DENND5A: variants seen among roughly 807,000 people sequenced by gnomAD.
DENND5A encodes DENN domain containing 5A.
DENND5A carries 64 observed loss-of-function variants against 140.3 expected under a neutral mutation model. The ratio of observed to expected loss-of-function variants is 0.46; its 90% CI spans 0.37 to 0.56. DENND5A has a LOEUF of 0.56. Among genes scored for constraint, DENND5A ranks in the 20% least tolerant of loss-of-function variants. The probability of loss-of-function intolerance (pLI) is 0.00; values close to 1 mark genes in which losing one functional copy is unlikely to be tolerated. For synonymous variants in DENND5A, 605 were observed against 607.7 expected (o/e 1.00, Z 0.07); for missense variants, 1,292 against 1,593.8 (o/e 0.81, Z 3.22).
At chr11:9,178,766 C>T (rs2136172759) in intron 7 of DENND5A, 92 bp downstream of exon 7, 1 of 1,069,278 alleles carries the variant, frequency 9.4e-7, no homozygotes, top group East Asian at 2.4e-5. Context: ...GATAATCTTC[C>T]ATTACTTCTT....
At chr11:9,214,939 G>C (rs1055231090) in intron 1 of DENND5A, among the ~76,000 whole-genome samples, 4 of 152,068 alleles carry the variant, frequency 2.6e-5, no homozygotes, top group South Asian at 4.1e-4. Flanking sequence ...AGCCAGACTG[G>C]TCTCGAACTC....
chr11:9,196,046 A>C (rs1849316457), intron 4 of DENND5A, among the ~76,000 whole-genome samples: 1 of 152,080 alleles, frequency 6.6e-6, no homozygotes, highest in Non-Finnish European at 1.5e-5. Context: ...TATGCTTCCC[A>C]GGTTCAAGCG....
intron 16 of DENND5A, 133 bp downstream of exon 16, chr11:9,146,897 C>T: frequency 1.9e-6 from 2 of 1,067,790 alleles, no homozygotes; most frequent in Non-Finnish European, 2.7e-6. Context: ...ACCTCTCTCC[C>T]CACAGAGGCA....
intron 1 of DENND5A, among the ~76,000 whole-genome samples, chr11:9,252,489 A>T (rs942652884): frequency 1.3e-5 from 2 of 151,902 alleles, no homozygotes; most frequent in Non-Finnish European, 2.9e-5. Flanking sequence ...TTTACCAAAA[A>T]TACAAAAATT....
At chr11:9,188,618 A>G (rs1277653210) in intron 5 of DENND5A, among the ~76,000 whole-genome samples, 8 of 152,172 alleles carry the variant, frequency 5.3e-5, no homozygotes, top group Non-Finnish European at 5.9e-5. Context: ...TCAGATGGAG[A>G]TAAGGAACTT....
chr11:9,195,882 C>T (rs1849307013), intron 4 of DENND5A, among the ~76,000 whole-genome samples: 1 of 151,882 alleles, frequency 6.6e-6, no homozygotes, highest in Non-Finnish European at 1.5e-5. Flanking sequence ...TTTTAAGTGA[C>T]ATTGTCTCAA....
chr11:9,176,577 C>T (rs1368640412), intron 8 of DENND5A, among the ~76,000 whole-genome samples: 1 of 152,154 alleles, frequency 6.6e-6, no homozygotes, highest in Non-Finnish European at 1.5e-5. Flanking sequence ...TGAGTAAATA[C>T]AATCTCTGTC....
At chr11:9,260,713 T>C (rs1852158513) in intron 1 of DENND5A, among the ~76,000 whole-genome samples, 1 of 152,284 alleles carries the variant, frequency 6.6e-6, no homozygotes, top group East Asian at 1.9e-4. Context: ...AACAACTACA[T>C]TACTTGCCTA....
At chr11:9,238,139 C>T (rs974111755) in intron 1 of DENND5A, among the ~76,000 whole-genome samples, 1 of 152,090 alleles carries the variant, frequency 6.6e-6, no homozygotes, top group Non-Finnish European at 1.5e-5. Context: ...TGGGTCTCTG[C>T]TCCTTATAAT....
intron 4 of DENND5A, among the ~76,000 whole-genome samples, chr11:9,201,019 T>C (rs892200707): frequency 6.6e-6 from 1 of 152,016 alleles, no homozygotes; most frequent in Non-Finnish European, 1.5e-5. Context: ...AATTTGAGCA[T>C]CAAAATAAAT....
chr11:9,193,219 C>A (rs1849200498), intron 5 of DENND5A, among the ~76,000 whole-genome samples: 1 of 152,178 alleles, frequency 6.6e-6, no homozygotes, highest in South Asian at 2.1e-4. Context: ...ACAGCAAGAC[C>A]TTGTCTCTTA....
chr11:9,252,127 A>G (rs1851750188), intron 1 of DENND5A, among the ~76,000 whole-genome samples: 1 of 150,174 alleles, frequency 6.7e-6, no homozygotes, highest in Non-Finnish European at 1.5e-5. Context: ...GTGAAACCGC[A>G]TGTCTACTAA....
chr11:9,176,731 T>C (rs1848556299), intron 8 of DENND5A: 1 of 334,826 alleles, frequency 3.0e-6, no homozygotes, highest in African/African-American at 2.2e-5. Context: ...GAAGGAAATG[T>C]ATCTGCTAGG....
chr11:9,259,808 C>A (rs1852112865), intron 1 of DENND5A, among the ~76,000 whole-genome samples: 1 of 151,992 alleles, frequency 6.6e-6, no homozygotes, highest in Admixed American at 6.6e-5. Context: ...GCGGGTGGGT[C>A]ACCTGAGGTA....
chr11:9,174,102 C>CA (rs57703622), intron 8 of DENND5A, among the ~76,000 whole-genome samples: 925 of 42,092 alleles, frequency 0.022, 160 homozygotes, highest in Non-Finnish European at 0.024. Flanking sequence ...GACTCCGTCT[C>CA]AAAAAAAAAA....
At chr11:9,188,924 A>G (rs545383901) in intron 5 of DENND5A, among the ~76,000 whole-genome samples, 15 of 152,390 alleles carry the variant, frequency 9.8e-5, no homozygotes, top group African/African-American at 3.4e-4. Flanking sequence ...AGAAATTTAC[A>G]TAAGTAACAA....
At chr11:9,248,962 G>T (rs1289500245) in intron 1 of DENND5A, among the ~76,000 whole-genome samples, 2 of 152,116 alleles carry the variant, frequency 1.3e-5, no homozygotes, top group African/African-American at 4.8e-5. Flanking sequence ...TCCTGGCTGG[G>T]CGCGGTGGCT....
chr11:9,257,657 A>C (rs527850507), intron 1 of DENND5A, among the ~76,000 whole-genome samples: 1 of 148,070 alleles, frequency 6.8e-6, no homozygotes, highest in Admixed American at 6.8e-5. Flanking sequence ...AATTTTTTTG[A>C]ATTTTTAGTA....
chr11:9,248,069 G>A (rs1200671812), intron 1 of DENND5A, among the ~76,000 whole-genome samples: 1 of 152,052 alleles, frequency 6.6e-6, no homozygotes. Context: ...TGCAACCTCT[G>A]CCTCCCAGGC....
Sources: gnomAD v4.1 joint callset for allele counts (sites outside exome capture counted in the v4.1 genomes callset) on GRCh38, gnomAD v4.1.1 for gene constraint, MANE v1.5 for transcripts, NCBI Gene and HGNC (gene_info 2026-07-23, HGNC 2026-07-21) for gene names.